Variants in DCAF8L2 observed in about 807,000 individuals in gnomAD.
DCAF8L2 encodes the protein DDB1 and CUL4 associated factor 8 like 2.
For missense variants in DCAF8L2, 430 were observed against 490.7 expected (o/e 0.88, Z 1.17); for synonymous variants, 200 against 190.9 (o/e 1.05, Z -0.39).
At chrX:27,715,486 G>A (rs1420453115) in intron 3 of DCAF8L2, among the ~76,000 whole-genome samples, 1 of 111,344 alleles carries the variant, frequency 9.0e-6, no homozygotes, top group Non-Finnish European at 1.9e-5. Flanking sequence ...ACAGATTTAG[G>A]ATCCAGGCTT....
At chrX:27,606,323 TATATATATATATAG>T (rs1358777234) in intron 1 of DCAF8L2, among the ~76,000 whole-genome samples, 44 of 66,259 alleles carry the variant, frequency 6.6e-4, no homozygotes, top group Middle Eastern at 8.9e-3. Flanking sequence ...ATATAGGAAT[TATATATATATATAG>T]GAATTATATA....
the DCAF8L2 span, among the ~76,000 whole-genome samples, chrX:27,523,792 G>C: frequency 1.5e-4 from 16 of 109,547 alleles, no homozygotes; most frequent in Admixed American, 4.9e-4. Flanking sequence ...AACAGGGCCT[G>C]GTGTGTGATG....
chrX:27,663,252 G>C (rs1929619244), intron 2 of DCAF8L2, among the ~76,000 whole-genome samples: 1 of 112,074 alleles, frequency 8.9e-6, no homozygotes, highest in Non-Finnish European at 1.9e-5. Context: ...TCTGTATATA[G>C]ACATAACTCA....
chrX:27,743,598 G>A (rs1392409557), intron 4 of DCAF8L2, among the ~76,000 whole-genome samples: 1 of 109,875 alleles, frequency 9.1e-6, no homozygotes, highest in Non-Finnish European at 1.9e-5. Flanking sequence ...GTTTTGCCAT[G>A]TTGGCCAGGC....
At chrX:27,699,655 G>A (rs1427998972) in intron 3 of DCAF8L2, among the ~76,000 whole-genome samples, 10 of 111,231 alleles carry the variant, frequency 9.0e-5, no homozygotes, top group Admixed American at 5.8e-4. Context: ...AAGTGTTAAG[G>A]TAATCCATTA....
chrX:27,741,472 C>A (rs1359178045), intron 4 of DCAF8L2, among the ~76,000 whole-genome samples: 1 of 98,930 alleles, frequency 1.0e-5, no homozygotes, highest in Non-Finnish European at 2.0e-5. Context: ...CACCTTAAGA[C>A]AAAGAGTAGA....
At chrX:27,497,590 A>G in the DCAF8L2 span, among the ~76,000 whole-genome samples, 2 of 78,805 alleles carry the variant, frequency 2.5e-5, no homozygotes, top group African/African-American at 6.2e-5. Context: ...CTTCTTTCCA[A>G]TGAAGTCTCA....
the DCAF8L2 span, among the ~76,000 whole-genome samples, chrX:27,495,678 G>T: frequency 2.7e-5 from 3 of 111,545 alleles, no homozygotes; most frequent in Non-Finnish European, 5.7e-5. Context: ...TTGTCTACAT[G>T]TTATCATGGG....
intron 3 of DCAF8L2, among the ~76,000 whole-genome samples, chrX:27,706,406 A>G (rs1430805736): frequency 9.0e-6 from 1 of 111,239 alleles, no homozygotes; most frequent in East Asian, 2.8e-4. Flanking sequence ...TGTTTGGGGC[A>G]GTATGGCTAT....
intron 3 of DCAF8L2, among the ~76,000 whole-genome samples, chrX:27,678,574 G>C (rs1930218778): frequency 1.8e-5 from 2 of 112,285 alleles, no homozygotes; most frequent in South Asian, 7.2e-4. Flanking sequence ...ATTGTGCTTT[G>C]AGAAATAAGC....
At chrX:27,614,552 T>C (rs1480540531) in intron 1 of DCAF8L2, among the ~76,000 whole-genome samples, 4 of 111,634 alleles carry the variant, frequency 3.6e-5, no homozygotes, top group Non-Finnish European at 7.5e-5. Context: ...GTTAGGGTGT[T>C]GATTTTAGAT....
At chrX:27,685,248 A>G (rs186937475) in intron 3 of DCAF8L2, among the ~76,000 whole-genome samples, 16 of 112,177 alleles carry the variant, frequency 1.4e-4, no homozygotes, top group African/African-American at 4.2e-4. Context: ...TAAGTGACAA[A>G]GAAGTTTGAT....
chrX:27,497,509 T>TTTCCTTCCTTCC, the DCAF8L2 span, among the ~76,000 whole-genome samples: 35 of 46,490 alleles, frequency 7.5e-4, no homozygotes, highest in South Asian at 0.02. Flanking sequence ...TCTTTCTTTC[T>TTTCCTTCCTTCC]TTCCTTCCTT....
intron 2 of DCAF8L2, among the ~76,000 whole-genome samples, chrX:27,652,955 G>A (rs1234790073): frequency 8.9e-6 from 1 of 112,185 alleles, no homozygotes; most frequent in Non-Finnish European, 1.9e-5. Flanking sequence ...AAATAAGAGA[G>A]GGATAAATGG....
intron 4 of DCAF8L2, among the ~76,000 whole-genome samples, chrX:27,742,671 A>G (rs146089973): frequency 4.5e-5 from 5 of 111,883 alleles, no homozygotes; most frequent in African/African-American, 1.6e-4. Context: ...CCTGATTCCT[A>G]TCAGAAGTAT....
At chrX:27,568,778 A>G in the DCAF8L2 span, among the ~76,000 whole-genome samples, 2 of 108,017 alleles carry the variant, frequency 1.9e-5, no homozygotes, top group East Asian at 2.9e-4. Flanking sequence ...CCATTAACTC[A>G]TCATTTAACA....
At chrX:27,516,452 TCTCA>T in the DCAF8L2 span, among the ~76,000 whole-genome samples, 8 of 61,795 alleles carry the variant, frequency 1.3e-4, no homozygotes, top group South Asian at 1.1e-3. Flanking sequence ...AGCATCTCTC[TCTCA>T]CACACACACA....
the DCAF8L2 span, among the ~76,000 whole-genome samples, chrX:27,584,663 C>T: frequency 9.0e-6 from 1 of 111,649 alleles, no homozygotes; most frequent in African/African-American, 3.3e-5. Flanking sequence ...CAGACACCAA[C>T]TTCATTTGAA....
At chrX:27,496,064 C>T in the DCAF8L2 span, among the ~76,000 whole-genome samples, 2 of 111,136 alleles carry the variant, frequency 1.8e-5, no homozygotes, top group African/African-American at 3.3e-5. Flanking sequence ...ACTCCATTTA[C>T]TTATATCATC....
Sources: gnomAD v4.1 joint callset for allele counts (sites outside exome capture counted in the v4.1 genomes callset) on GRCh38, gnomAD v4.1.1 for gene constraint, MANE v1.5 for transcripts, NCBI Gene and HGNC (gene_info 2026-07-23, HGNC 2026-07-21) for gene names.